CIITA: variants seen among roughly 807,000 people sequenced by gnomAD.
The protein encoded by CIITA is class II major histocompatibility complex transactivator.
Under a neutral mutation model 115.1 loss-of-function variants are expected in CIITA, and 72 were observed. That is an observed-to-expected ratio of 0.63 (90% CI 0.52 to 0.76). The LOEUF (loss-of-function observed/expected upper bound fraction) is 0.76. Ranked by LOEUF, CIITA falls within the 30% of genes least tolerant of loss-of-function variation. CIITA has a pLI of 0.00. For missense variants in CIITA, 1,617 were observed against 1,463.8 expected, an observed-to-expected ratio of 1.10 and a Z score of -1.71; for synonymous variants, 763 against 635.6, an observed-to-expected ratio of 1.20 and a Z score of -3.02.
intron 1 of CIITA, among the ~76,000 whole-genome samples, chr16:10,878,813 G>A (rs767165808): frequency 2.0e-5 from 3 of 152,274 alleles, no homozygotes; most frequent in Non-Finnish European, 4.4e-5. Context: ...GCCCCAGGCA[G>A]TTGGGATGCC....
chr16:10,873,814 A>C (rs1008155937), upstream of CIITA, among the ~76,000 whole-genome samples: 2 of 151,980 alleles, frequency 1.3e-5, no homozygotes, highest in African/African-American at 4.8e-5. Flanking sequence ...GAGACAAATA[A>C]ATTCAGATCC....
rs1231888573 is a variant in CIITA, at chr16:10,922,490, C to T, written c.3317C>T (p.Ala1106Val). 16 of 1,613,854 alleles carry T rather than the reference C, an allele frequency of 9.9e-6. No individual in the cohort carries two copies. Among genetic ancestry groups the T allele is most frequent in the East Asian group, 2.2e-5 (1 of 44,906 alleles). Residue 1106 changes from alanine to valine, a missense_variant and splice_region_variant, in exon 18 of 20, where the codon GCG becomes GTG. Physicochemically the swap from Ala to Val is moderately conservative, Grantham distance 64. Transcript: ENST00000324288. ...LRRCPHVETL[A>V]MWTPTIPFSV... ...AGGTGTCCTCATGTGGAGACGCTGGCGTAAGTCCAGGCAACCCTGGTGGGT... is the reference window on the plus strand; with the variant it reads ...AGGTGTCCTCATGTGGAGACGCTGGTGTAAGTCCAGGCAACCCTGGTGGGT...
intron 10 of CIITA, among the ~76,000 whole-genome samples, chr16:10,905,673 A>C (rs1052911477): frequency 2.6e-5 from 4 of 151,794 alleles, no homozygotes; most frequent in African/African-American, 9.7e-5. Flanking sequence ...GAGGCAGGAG[A>C]ATCGCCTAAA....
In CIITA at chr16:10,916,411, C is replaced by G. The variant is rs759385748; in HGVS notation, c.3014C>G (p.Ser1005Trp). 36 of 1,613,502 alleles carry G rather than the reference C, an allele frequency of 2.2e-5. No homozygotes were observed. The highest frequency in any genetic ancestry group is 2.9e-5 in the Non-Finnish European group (34 of 1,179,772). Residue 1005 changes from serine to tryptophan, a missense_variant, in exon 15 of 20, where the codon TCG becomes TGG. Physicochemically the swap from Ser to Trp is radical, Grantham distance 177 (BLOSUM62 -3). Coordinates refer to ENST00000324288, the MANE Select transcript of CIITA (RefSeq NM_000246.4). ...SENKIGDEGVSQLSATFPQLK... is the reference protein window; with the variant it reads ...SENKIGDEGVWQLSATFPQLK... ...AACAAGATCGGGGACGAGGGTGTCT[C>G]GCAGCTCTCAGCCACCTTCCCCCAG...
At chr16:10,911,099 T>G (rs1006782942) in intron 13 of CIITA, among the ~76,000 whole-genome samples, 1 of 152,218 alleles carries the variant, frequency 6.6e-6, no homozygotes, top group Non-Finnish European at 1.5e-5. Context: ...GGAGTCCAGT[T>G]GTGTCTGGGT....
rs540942818 is a variant in CIITA at position 10,914,778 on chromosome 16, T to C, written c.2889-792T>C. 9.8e-5 allele frequency among the ~76,000 whole-genome samples: 15 copies of C among 152,336 alleles called. No homozygotes were observed. The South Asian group carries it at 2.9e-3, about 29-fold the overall frequency. Reference sequence around the variant, plus strand: ...AGAGTCTTGAGGAGTAAATGAGATCTAGGCCGAGGGAAGGGCCTAGCATGC... The same window carrying C: ...AGAGTCTTGAGGAGTAAATGAGATCCAGGCCGAGGGAAGGGCCTAGCATGC... On this transcript the variant is annotated intron_variant, in intron 13 of 19. Transcript: ENST00000324288.
chr16:10,877,393 C>T lies in CIITA; in HGVS notation c.52+11C>T, dbSNP rs769635677. The T allele has an allele frequency of 8.7e-6, 14 of 1,611,680 alleles. No individual in the cohort carries two copies. Among genetic ancestry groups the T allele is most frequent in the South Asian group, 5.5e-5 (5 of 90,606 alleles). On this transcript the variant is annotated intron_variant, in intron 1 of 19. Coordinates refer to ENST00000324288, the MANE Select transcript of CIITA (RefSeq NM_000246.4). ...TGTCAGAGCCCCAAGGTAAAAAGGC[C>T]GGGAAAGCATCTTAATTTAGCGTGC...
chr16:10,907,928 C>G lies in CIITA; in HGVS notation c.2436C>G (p.Cys812Trp). The change falls in exon 11 of 20, where the codon TGC (cysteine) becomes TGG (tryptophan). Residue 812 changes from cysteine (C) to tryptophan (W), a missense_variant. Coordinates refer to ENST00000324288, the MANE Select transcript of CIITA (RefSeq NM_000246.4). The surrounding 1 kb of genome is among the most constrained non-coding windows in gnomAD (Gnocchi z 5.0). ...GGCAGCTGCTGGAGCTGCTGCACTG[C>G]GCCCACGAGGCCGAGGAGGCTGGAA... The part of the protein sequence containing the change: ...RARQLLELLH[C>W]AHEAEEAGIW... The G allele has an allele frequency of 6.4e-7, 1 of 1,565,712 alleles. No homozygotes were observed. The highest frequency in any genetic ancestry group is 8.6e-7 in the Non-Finnish European group (1 of 1,157,474).
In CIITA at chr16:10,903,797, C is replaced by A; in HGVS notation, c.839C>A (p.Ser280Tyr). Residue 280 changes from serine (S) to tyrosine (Y), a missense_variant, in exon 9 of 20, where the codon TCT becomes TAT. Coordinates refer to ENST00000324288, the MANE Select transcript of CIITA (RefSeq NM_000246.4). ...TTCACTGTCCACGGCCTCCCAACAT[C>A]TCCAGACCGGCCAGGCTCCACCAGC... is the stretch of plus-strand genomic sequence containing the variant. Reference protein sequence around the residue: ...SGFTVHGLPTSPDRPGSTSPF... With the variant: ...SGFTVHGLPTYPDRPGSTSPF... 1 of 1,614,232 alleles carries A rather than the reference C, an allele frequency of 6.2e-7. No individual in the cohort carries two copies. Among genetic ancestry groups the A allele is most frequent in the Non-Finnish European group, 8.5e-7 (1 of 1,180,044 alleles).
chr16:10,872,372 C>CT (rs2035547032), upstream of CIITA, among the ~76,000 whole-genome samples: 1 of 152,216 alleles, frequency 6.6e-6, no homozygotes, highest in South Asian at 2.1e-4. Context: ...ATCCACCCAT[C>CT]TCAGCTTCCC....
In CIITA at chr16:10,929,170, A is replaced by C. The variant is rs764246882; in HGVS notation, c.*5315A>C. The stretch of plus-strand genomic sequence containing the variant: ...CACCCCTGAAACAGTCGCTGCATCT[A>C]AGACCAGCCTCGGGCTAAACCCAGC... On this transcript the variant is annotated 3_prime_UTR_variant, in exon 20 of 20. Coordinates refer to ENST00000324288, the MANE Select transcript of CIITA (RefSeq NM_000246.4). This position sits in a 1 kb window ranked among gnomAD's most constrained non-coding sequence, Gnocchi z 4.3. The C allele has an allele frequency of 9.2e-4, 898 of 975,236 alleles. No homozygotes were observed. Among genetic ancestry groups the C allele is most frequent in the Non-Finnish European group, 1.0e-3 (839 of 820,516 alleles). 60.4% of individuals were successfully genotyped at this position (975,236 alleles called of 1,614,324 possible).
chr16:10,869,068 GT>G (rs1383752989), intron 1 of CIITA, among the ~76,000 whole-genome samples: 1 of 152,220 alleles, frequency 6.6e-6, no homozygotes, highest in African/African-American at 2.4e-5. Flanking sequence ...TTTGATGGGG[GT>G]TCGGAAAAGG....
chr16:10,878,886 C>T (rs2036111291), intron 1 of CIITA: 1 of 229,002 alleles, frequency 4.4e-6, no homozygotes, highest in Middle Eastern at 1.3e-3. Flanking sequence ...CTGGCCCGAG[C>T]TCAGCGCTGC....
chr16:10,869,707 G>C (rs953907368), intron 1 of CIITA, among the ~76,000 whole-genome samples: 1 of 151,970 alleles, frequency 6.6e-6, no homozygotes, highest in African/African-American at 2.4e-5. Context: ...TAGAGACAGG[G>C]TTTCTCCAAG....
At chr16:10,882,819 C>T (rs1042453587) in intron 1 of CIITA, among the ~76,000 whole-genome samples, 4 of 151,890 alleles carry the variant, frequency 2.6e-5, no homozygotes, top group African/African-American at 7.3e-5. Context: ...ATCGCCTGAA[C>T]CCAGGAGGCG....
intron 1 of CIITA, among the ~76,000 whole-genome samples, chr16:10,893,762 T>C (rs1318072308): frequency 8.2e-6 from 1 of 121,252 alleles, no homozygotes; most frequent in East Asian, 3.0e-4. Context: ...TGAGCCAAGA[T>C]TGCACCCCTG....
intron 4 of CIITA, 77 bp downstream of exon 4, chr16:10,898,809 C>T (rs2038407376): frequency 2.5e-6 from 4 of 1,600,452 alleles, no homozygotes; most frequent in African/African-American, 1.3e-5. Flanking sequence ...GCCCTAATAC[C>T]TGACGACCAT....
At chr16:10,896,242 T>A (rs2038110770) in intron 3 of CIITA, among the ~76,000 whole-genome samples, 1 of 152,214 alleles carries the variant, frequency 6.6e-6, no homozygotes, top group African/African-American at 2.4e-5. Flanking sequence ...AGTTTCTGTC[T>A]TTTACAAATG....
chr16:10,887,826 G>C (rs903785530), intron 1 of CIITA, among the ~76,000 whole-genome samples: 1 of 152,168 alleles, frequency 6.6e-6, no homozygotes, highest in African/African-American at 2.4e-5. Flanking sequence ...ACAGTTCAGA[G>C]CAGTGCTGGA....
Sources: gnomAD v4.1 joint callset for allele counts (sites outside exome capture counted in the v4.1 genomes callset) on GRCh38, gnomAD v4.1.1 for gene constraint, Gnocchi (gnomAD v3.1) non-coding constraint, MANE v1.5 for transcripts, NCBI Gene and HGNC (gene_info 2026-07-23, HGNC 2026-07-21) for gene names.